LRRCC1: variants seen among roughly 807,000 people sequenced by gnomAD.
The protein encoded by LRRCC1 is leucine rich repeat and coiled-coil centrosomal protein 1.
A neutral mutation model predicts 126.0 loss-of-function variants in LRRCC1; 115 were observed. The ratio of observed to expected loss-of-function variants is 0.91; its 90% CI spans 0.78 to 1.07. The LOEUF (loss-of-function observed/expected upper bound fraction) is 1.07. Among genes scored for constraint, LRRCC1 ranks in the 50% least tolerant of loss-of-function variants. LRRCC1 has a pLI of 0.00. For missense variants in LRRCC1, 1,172 were observed against 1,175.7 expected (o/e 1.00, Z 0.05); for synonymous variants, 400 against 393.4 (o/e 1.02, Z -0.20).
At chr8:85,144,444 GTATATATATA>G (rs869241784) in intron 18 of LRRCC1, among the ~76,000 whole-genome samples, 1 of 114,924 alleles carries the variant, frequency 8.7e-6, no homozygotes, top group African/African-American at 3.7e-5. Flanking sequence ...GTGTGTGTGT[GTATATATATA>G]TATATATATA....
chr8:85,143,945 A>G (rs539377060), intron 18 of LRRCC1, among the ~76,000 whole-genome samples: 57 of 152,298 alleles, frequency 3.7e-4, no homozygotes, highest in African/African-American at 1.3e-3. Context: ...TCTAAGGGAA[A>G]AGAGATTGAG....
At position 85,109,632 on chromosome 8, in the gene LRRCC1, G is replaced by T; in HGVS notation, c.142G>T (p.Val48Phe). 1.9e-6 allele frequency: 3 copies of T among 1,609,914 alleles called. No individual in the cohort carries two copies. Among genetic ancestry groups the T allele is most frequent in the Non-Finnish European group, 1.7e-6 (2 of 1,177,118 alleles). The change falls in exon 2 of 19, where the codon GTC (valine) becomes TTC (phenylalanine). Residue 48 changes from valine to phenylalanine, a missense_variant. By Grantham distance (50) the Val-to-Phe change is conservative. Transcript: ENST00000360375. ...ELSLDSTLHAVNLHCNNISKI... is the reference protein window; with the variant it reads ...ELSLDSTLHAFNLHCNNISKI... ...ATCTTTAGATTCAACTCTTCATGCC[G>T]TCAATCTTCATTGCAATAACATCTC...
chr8:85,114,890 A>C (rs1197753166), intron 4 of LRRCC1, among the ~76,000 whole-genome samples: 2 of 152,076 alleles, frequency 1.3e-5, no homozygotes, highest in Non-Finnish European at 2.9e-5. Flanking sequence ...TTTGAGAGGG[A>C]TGGAGAGTGG....
At chr8:85,130,760 T>G (rs1224333076) in intron 11 of LRRCC1, among the ~76,000 whole-genome samples, 1 of 152,216 alleles carries the variant, frequency 6.6e-6, no homozygotes, top group Non-Finnish European at 1.5e-5. Flanking sequence ...TCAGTGAACT[T>G]TTTCTGTAAA....
In LRRCC1 at chr8:85,119,640, T is replaced by C. The variant is rs1809380874; in HGVS notation, c.931-3773T>C. ...TCCCGAATAGCTGGGATTACAGGCATGTGCTACCACACCCGGCTAATTTTT... is the reference window on the plus strand; with the variant it reads ...TCCCGAATAGCTGGGATTACAGGCACGTGCTACCACACCCGGCTAATTTTT... On this transcript the variant is annotated intron_variant, in intron 6 of 18. Coordinates refer to ENST00000360375, the MANE Select transcript of LRRCC1 (RefSeq NM_033402.5). 8.5e-5 allele frequency among the ~76,000 whole-genome samples: 13 copies of C among 152,050 alleles called. No individual in the cohort carries two copies. In the South Asian group the frequency reaches 2.7e-3, roughly 32 times the overall value.
At chr8:85,109,889 A>C (rs1261000498) in intron 2 of LRRCC1, 89 bp downstream of exon 2, 1 of 699,576 alleles carries the variant, frequency 1.4e-6, no homozygotes, top group Non-Finnish European at 2.3e-6. Context: ...AAATATCAGA[A>C]ACTCTTAAAA....
At chr8:85,134,475 A>G (rs2135985288) in intron 12 of LRRCC1, among the ~76,000 whole-genome samples, 1 of 152,220 alleles carries the variant, frequency 6.6e-6, no homozygotes, top group Non-Finnish European at 1.5e-5. Flanking sequence ...GTGCACCACC[A>G]CACCCGGCTA....
At chr8:85,144,442 GTGTA>G (rs1257433833) in intron 18 of LRRCC1, among the ~76,000 whole-genome samples, 1 of 106,772 alleles carries the variant, frequency 9.4e-6, no homozygotes, top group African/African-American at 4.1e-5. Context: ...GTGTGTGTGT[GTGTA>G]TATATATATA....
At chr8:85,137,042 G>T (rs1810925420) in intron 14 of LRRCC1, among the ~76,000 whole-genome samples, 1 of 152,136 alleles carries the variant, frequency 6.6e-6, no homozygotes, top group South Asian at 2.1e-4. Flanking sequence ...GGCCAGGCTG[G>T]TTTCAAACTC....
At chr8:85,123,690 T>C (rs1011322920) in intron 7 of LRRCC1, 84 bp downstream of exon 7, 16 of 1,045,414 alleles carry the variant, frequency 1.5e-5, no homozygotes, top group Middle Eastern at 5.0e-4. Flanking sequence ...TTGGTGATAT[T>C]TGTTACTTTA....
intron 14 of LRRCC1, 69 bp downstream of exon 14, chr8:85,136,032 A>G: frequency 7.7e-7 from 1 of 1,295,098 alleles, no homozygotes; most frequent in South Asian, 2.1e-5. Flanking sequence ...GGTATTGGAG[A>G]GAAAAAGACT....
chr8:85,110,095 A>C lies in LRRCC1; in HGVS notation c.311-20A>C. 1 of 1,027,544 alleles carries C rather than the reference A, an allele frequency of 9.7e-7. No homozygotes were observed. Among genetic ancestry groups the C allele is most frequent in the Non-Finnish European group, 1.4e-6 (1 of 696,918 alleles). 63.7% of individuals were successfully genotyped at this position (1,027,544 alleles called of 1,614,324 possible). On this transcript the variant is annotated intron_variant, in intron 2 of 18. Transcript: ENST00000360375. ...TTAAATTTTATAAAGGCTTTATTTT[A>C]TTTTACTTTTTTTTTTTAGGACTTG...
rs1809037322 is a variant in LRRCC1 at position 85,115,385 on chromosome 8, G to T, written c.731G>T (p.Arg244Ile). The T allele has an allele frequency of 6.2e-7, 1 of 1,612,178 alleles. No individual in the cohort carries two copies. The highest frequency in any genetic ancestry group is 8.5e-7 in the Non-Finnish European group (1 of 1,178,610). ...LNISEDEIID[R>I]MPVITAPIDE... Reference sequence around the variant, plus strand: ...GTTTCTGTGTCATAGATCATTGATAGAATGCCAGTGATAACAGCACCTATC... The same window carrying T: ...GTTTCTGTGTCATAGATCATTGATATAATGCCAGTGATAACAGCACCTATC... Residue 244 changes from arginine to isoleucine, a missense_variant, in exon 6 of 19, where the codon AGA (arginine) becomes ATA (isoleucine). Transcript: ENST00000360375.
intron 18 of LRRCC1, among the ~76,000 whole-genome samples, chr8:85,143,049 G>A (rs113572110): frequency 0.034 from 5,204 of 152,138 alleles, 278 homozygotes; most frequent in African/African-American, 0.12. Context: ...TGCAGGCTGG[G>A]TGCAGTGTCT....
chr8:85,135,714 CATT>C (rs1417135997), intron 13 of LRRCC1, 72 bp from the exon 14 acceptor site: 3 of 956,430 alleles, frequency 3.1e-6, no homozygotes, highest in Non-Finnish European at 2.8e-6. Context: ...CATTTTTTCT[CATT>C]ATAAGATGGA....
chr8:85,130,121 TC>T, intron 11 of LRRCC1, 63 bp downstream of exon 11: 1 of 1,229,526 alleles, frequency 8.1e-7, no homozygotes, highest in Non-Finnish European at 1.1e-6. Flanking sequence ...AGCTACTGGT[TC>T]CCCACTACCA....
At chr8:85,126,008 CTT>C (rs1337279103) in intron 8 of LRRCC1, among the ~76,000 whole-genome samples, 2 of 152,080 alleles carry the variant, frequency 1.3e-5, no homozygotes, top group African/African-American at 2.4e-5. Flanking sequence ...AAAAATCAAT[CTT>C]TTCTGATTCA....
intron 14 of LRRCC1, 43 bp downstream of exon 14, chr8:85,136,006 T>C (rs1407621740): frequency 1.1e-5 from 16 of 1,446,352 alleles, no homozygotes; most frequent in Non-Finnish European, 1.5e-5. Flanking sequence ...CTTATTCTTA[T>C]AAATGAGCAA....
intron 12 of LRRCC1, among the ~76,000 whole-genome samples, chr8:85,133,056 T>G (rs1471259115): frequency 6.6e-6 from 1 of 152,204 alleles, no homozygotes; most frequent in African/African-American, 2.4e-5. Context: ...CATATCAAAA[T>G]TGTGCATTTG....
Sources: allele counts gnomAD v4.1 joint callset (sites outside exome capture counted in the v4.1 genomes callset), GRCh38; gene constraint gnomAD v4.1.1; transcripts MANE v1.5; gene names NCBI Gene and HGNC (gene_info 2026-07-23, HGNC 2026-07-21).